The following AGBL1 variants were observed in gnomAD, a reference collection of about 807,000 sequenced individuals.
AGBL1 encodes the protein AGBL carboxypeptidase 1.
In AGBL1, 130 loss-of-function variants were observed where a neutral mutation model predicts 118.9. That is an observed-to-expected ratio of 1.09 (90% CI 0.95 to 1.26). The LOEUF is 1.26. Among genes scored for constraint, AGBL1 ranks in the 50% most tolerant of loss-of-function variants. The pLI, the probability that AGBL1 is intolerant of heterozygous loss-of-function variation, is 0.00. For missense variants in AGBL1, 1,584 were observed against 1,298.1 expected (o/e 1.22, Z -3.38); for synonymous variants, 555 against 478.9 (o/e 1.16, Z -2.08).
chr15:86,182,893 G>A (rs1407292193), intron 5 of AGBL1, among the ~76,000 whole-genome samples: 1 of 152,160 alleles, frequency 6.6e-6, no homozygotes, highest in South Asian at 2.1e-4. Context: ...GAGAAGTAGT[G>A]TAGTGGAACA....
At chr15:86,671,854 A>G (rs2085752393) in intron 21 of AGBL1, among the ~76,000 whole-genome samples, 1 of 152,208 alleles carries the variant, frequency 6.6e-6, no homozygotes, top group Admixed American at 6.5e-5. Flanking sequence ...TACTGAGGAT[A>G]TGACATTTGA....
At chr15:86,337,061 G>A (rs527373665) in intron 17 of AGBL1, among the ~76,000 whole-genome samples, 1 of 152,294 alleles carries the variant, frequency 6.6e-6, no homozygotes, top group Admixed American at 6.5e-5. Context: ...CACTCTCTAG[G>A]TTGAAGCATT....
rs2141609139 is a variant in AGBL1 at position 86,914,898 on chromosome 15, C to T, written c.*7604C>T. 6.6e-6 allele frequency: 1 copy of T among 152,304 alleles called. No individual in the cohort carries two copies. Among genetic ancestry groups the T allele is most frequent in the East Asian group, 1.9e-4 (1 of 5,186 alleles). The allele number at this position is 152,304 out of a possible 1,614,324, so 9.4% of individuals were successfully genotyped here. On this transcript the variant is annotated 3_prime_UTR_variant, in exon 23 of 23. Coordinates refer to ENST00000614907, the MANE Select transcript of AGBL1 (RefSeq NM_001386094.1). ...TACAAGTAACTCCTACTGGCCATTT[C>T]TGCATAACTTCCTGCTCCTTTTCAA...
intron 20 of AGBL1, among the ~76,000 whole-genome samples, chr15:86,550,173 G>GA (rs1305620713): frequency 6.6e-6 from 1 of 151,660 alleles, no homozygotes; most frequent in Admixed American, 6.6e-5. Flanking sequence ...ATAAATGTCT[G>GA]AAAAAATATT....
intron 23 of AGBL1, among the ~76,000 whole-genome samples, chr15:86,935,614 A>G (rs1180741822): frequency 2.0e-5 from 3 of 152,086 alleles, no homozygotes; most frequent in Non-Finnish European, 1.5e-5. Context: ...ATTGGAACTT[A>G]TTTTTCAGTT....
intron 17 of AGBL1, among the ~76,000 whole-genome samples, chr15:86,360,654 AAGGCTTCTGCTCCAGT>A (rs1483858734): frequency 3.3e-5 from 5 of 152,006 alleles, no homozygotes; most frequent in Non-Finnish European, 7.4e-5. Context: ...TTCAACTCTG[AAGGCTTCTGCTCCAGT>A]TCTTTCCTTT....
chr15:86,959,485 C>T (rs193121195), intron 23 of AGBL1, among the ~76,000 whole-genome samples: 31 of 152,124 alleles, frequency 2.0e-4, no homozygotes, highest in African/African-American at 7.0e-4. Context: ...TATGCACTTT[C>T]CATTTTCTGT....
chr15:86,730,894 C>A (rs1348098240), intron 22 of AGBL1, among the ~76,000 whole-genome samples: 1 of 152,222 alleles, frequency 6.6e-6, no homozygotes, highest in Admixed American at 6.5e-5. Flanking sequence ...GTGGCATGAT[C>A]TCGGCTCACT....
At position 86,509,310 on chromosome 15, in the gene AGBL1, G is replaced by A. The variant is rs2083024331; in HGVS notation, c.2556-13500G>A. Among the ~76,000 whole-genome samples, 3 of 152,252 alleles carry A rather than the reference G, an allele frequency of 2.0e-5. No individual in the cohort carries two copies. The South Asian group carries it at 6.2e-4, about 32-fold the overall frequency. ...GGAGAAGAAAAAGATTGGGTCTGCA[G>A]ACATGGCTCCATCAGCAGGTGAGGG... is the stretch of plus-strand genomic sequence containing the variant. On this transcript the variant is annotated intron_variant, in intron 18 of 22. Transcript: ENST00000614907.
At chr15:86,539,501 T>A (rs2083466829) in intron 19 of AGBL1, among the ~76,000 whole-genome samples, 1 of 152,184 alleles carries the variant, frequency 6.6e-6, no homozygotes, top group Non-Finnish European at 1.5e-5. Context: ...TCTTGCTCCT[T>A]CTTGCTTAGT....
chr15:86,921,636 G>A (rs1222839330), intron 23 of AGBL1, among the ~76,000 whole-genome samples: 2 of 152,110 alleles, frequency 1.3e-5, no homozygotes, highest in Non-Finnish European at 2.9e-5. Flanking sequence ...CCCCTAAGAG[G>A]AGTCCCTACT....
chr15:86,369,449 T>G (rs1031795771), intron 17 of AGBL1, among the ~76,000 whole-genome samples: 4 of 152,034 alleles, frequency 2.6e-5, no homozygotes, highest in African/African-American at 9.7e-5. Context: ...CACTAATAGA[T>G]AAAGAGTAGA....
At chr15:86,989,642 G>T (rs1285255526) in intron 24 of AGBL1, among the ~76,000 whole-genome samples, 3 of 152,060 alleles carry the variant, frequency 2.0e-5, no homozygotes, top group Non-Finnish European at 2.9e-5. Flanking sequence ...AAGGAAGAAT[G>T]GTGATAAAGA....
intron 17 of AGBL1, among the ~76,000 whole-genome samples, chr15:86,344,651 A>G (rs141406676): frequency 1.3e-5 from 2 of 151,818 alleles, no homozygotes; most frequent in African/African-American, 4.8e-5. Context: ...TTTTCTGAGC[A>G]TCTCTGGGTA....
At chr15:86,801,662 A>T (rs182306987) in intron 22 of AGBL1, among the ~76,000 whole-genome samples, 3 of 152,254 alleles carry the variant, frequency 2.0e-5, no homozygotes, top group African/African-American at 4.8e-5. Context: ...CAACATAGAG[A>T]TAACTATATC....
At chr15:86,971,977 C>T (rs555763722) in intron 23 of AGBL1, among the ~76,000 whole-genome samples, 1 of 151,950 alleles carries the variant, frequency 6.6e-6, no homozygotes, top group Admixed American at 6.6e-5. Context: ...AAGGGGCCTG[C>T]TTCCCCTTCA....
At chr15:86,342,523 A>G (rs1317983587) in intron 17 of AGBL1, among the ~76,000 whole-genome samples, 1 of 152,218 alleles carries the variant, frequency 6.6e-6, no homozygotes, top group African/African-American at 2.4e-5. Flanking sequence ...CATCCATCCA[A>G]CAAACTCTCA....
At chr15:86,849,136 T>G (rs1394368094) in intron 22 of AGBL1, among the ~76,000 whole-genome samples, 3 of 152,238 alleles carry the variant, frequency 2.0e-5, no homozygotes, top group African/African-American at 7.2e-5. Context: ...CATGCCTTGC[T>G]TATCCATCGC....
At chr15:86,419,865 GAGCC>G (rs2081762340) in intron 18 of AGBL1, among the ~76,000 whole-genome samples, 1 of 152,194 alleles carries the variant, frequency 6.6e-6, no homozygotes, top group South Asian at 2.1e-4. Flanking sequence ...GGACTGGGCA[GAGCC>G]CCCTATAGCT....
Sources: allele counts gnomAD v4.1 joint callset (sites outside exome capture counted in the v4.1 genomes callset), GRCh38; gene constraint gnomAD v4.1.1; transcripts MANE v1.5; gene names NCBI Gene and HGNC (gene_info 2026-07-23, HGNC 2026-07-21).